The following SLC39A9 variants were observed in gnomAD, a reference collection of about 807,000 sequenced individuals.
The protein encoded by SLC39A9 is zinc transporter ZIP9.
In SLC39A9, 14 loss-of-function variants were observed where a neutral mutation model predicts 28.4. The ratio of observed to expected loss-of-function variants is 0.49; its 90% CI spans 0.33 to 0.77. SLC39A9 has a LOEUF of 0.77. Ranked by LOEUF, SLC39A9 falls within the 30% of genes least tolerant of loss-of-function variation. SLC39A9 has a pLI of 0.02. For synonymous variants in SLC39A9, 119 were observed against 149.6 expected (o/e 0.80, Z 1.49); for missense variants, 283 against 381.1 (o/e 0.74, Z 2.14).
chr14:69,406,701 A>T (rs1882931589), intron 1 of SLC39A9, among the ~76,000 whole-genome samples: 1 of 151,704 alleles, frequency 6.6e-6, no homozygotes. Context: ...AAAAAAAAAA[A>T]AGTAGTAGTA....
chr14:69,453,202 T>G, intron 3 of SLC39A9, 39 bp from the exon 4 acceptor site: 1 of 1,564,582 alleles, frequency 6.4e-7, no homozygotes, highest in Non-Finnish European at 8.8e-7. Flanking sequence ...AGTTTCTGTC[T>G]CACATAGCTT....
rs532922887 is a variant in SLC39A9, at chr14:69,401,128, T to C, written c.96+1663T>C. On this transcript the variant is annotated intron_variant, in intron 1 of 6. Transcript: ENST00000336643. ...CAGACTAGTTCGTAGCCACTAAGCATTTCGGCAAAGGTACATGGTACATAT... is the reference window on the plus strand; with the variant it reads ...CAGACTAGTTCGTAGCCACTAAGCACTTCGGCAAAGGTACATGGTACATAT... Among the ~76,000 whole-genome samples the C allele has an allele frequency of 5.8e-4, 88 of 152,320 alleles. 1 individual carries two copies. Among genetic ancestry groups the C allele is most frequent in the African/African-American group, 2.0e-3 (85 of 41,580 alleles).
At chr14:69,443,774 C>T (rs913983317) in intron 3 of SLC39A9, among the ~76,000 whole-genome samples, 6 of 151,988 alleles carry the variant, frequency 3.9e-5, no homozygotes, top group African/African-American at 1.2e-4. Flanking sequence ...GGGACTGAGG[C>T]GGGAGGAACG....
chr14:69,454,978 G>C (rs749214531), intron 5 of SLC39A9, 81 bp downstream of exon 5: 1 of 1,023,022 alleles, frequency 9.8e-7, no homozygotes, highest in Non-Finnish European at 1.5e-6. Context: ...GTTTTTCCTG[G>C]AATGGGAACA....
intron 3 of SLC39A9, among the ~76,000 whole-genome samples, chr14:69,445,507 C>A (rs563086530): frequency 6.6e-6 from 1 of 152,222 alleles, no homozygotes; most frequent in East Asian, 1.9e-4. Flanking sequence ...ACTTTGTTAT[C>A]ATTAAGACTT....
rs528383263 is a variant in SLC39A9, at chr14:69,459,372, T to G, written c.*779T>G. On this transcript the variant is annotated 3_prime_UTR_variant, in exon 7 of 7. Coordinates refer to ENST00000336643, the MANE Select transcript of SLC39A9 (RefSeq NM_018375.5). The stretch of plus-strand genomic sequence containing the variant: ...CTTTGCAGAATACCTGTCTCCACAT[T>G]CCTAGAGAGGAGCCAAGTTCTAGTA... 1 of 985,268 alleles carries G rather than the reference T, an allele frequency of 1.0e-6. No individual in the cohort carries two copies. The highest frequency in any genetic ancestry group is 1.7e-5 in the African/African-American group (1 of 57,198). 61.0% of individuals were successfully genotyped at this position (985,268 alleles called of 1,614,324 possible).
chr14:69,424,643 C>T (rs1180788704), intron 2 of SLC39A9, among the ~76,000 whole-genome samples: 3 of 152,004 alleles, frequency 2.0e-5, no homozygotes, highest in Non-Finnish European at 4.4e-5. Context: ...AGAGGCCTTT[C>T]CTGACCCTAA....
intron 1 of SLC39A9, among the ~76,000 whole-genome samples, chr14:69,406,962 T>C (rs1882951132): frequency 6.9e-6 from 1 of 145,076 alleles, no homozygotes; most frequent in Non-Finnish European, 1.5e-5. Flanking sequence ...GCAATTCTCC[T>C]GCCTCAGCCC....
intron 6 of SLC39A9, among the ~76,000 whole-genome samples, chr14:69,458,128 AAATTG>A (rs1437252544): frequency 3.3e-5 from 5 of 152,220 alleles, no homozygotes; most frequent in Admixed American, 6.5e-5. Flanking sequence ...ATATAATTAT[AAATTG>A]TTGATTTACA....
intron 4 of SLC39A9, 117 bp downstream of exon 4, chr14:69,453,426 G>A: frequency 1.1e-6 from 1 of 878,060 alleles, no homozygotes; most frequent in Non-Finnish European, 1.8e-6. Context: ...TGAGGAAAAG[G>A]TTTCTTAATG....
intron 1 of SLC39A9, among the ~76,000 whole-genome samples, chr14:69,422,477 T>C (rs1009167581): frequency 2.0e-5 from 3 of 152,182 alleles, no homozygotes; most frequent in Admixed American, 6.5e-5. Flanking sequence ...CAGATGTGAT[T>C]ATAGCACACT....
intron 3 of SLC39A9, among the ~76,000 whole-genome samples, chr14:69,445,164 AC>A (rs1285353923): frequency 6.6e-6 from 1 of 152,162 alleles, no homozygotes; most frequent in African/African-American, 2.4e-5. Context: ...ATGAGTTTGA[AC>A]TGTGTGAGTC....
intron 1 of SLC39A9, among the ~76,000 whole-genome samples, chr14:69,416,411 G>A (rs962356129): frequency 2.0e-5 from 3 of 152,218 alleles, no homozygotes; most frequent in Non-Finnish European, 4.4e-5. Flanking sequence ...TTGCTGTTGT[G>A]AATAGTGCTG....
Position 69,454,818 on chromosome 14 carries a change from G to A in SLC39A9, c.479G>A (p.Gly160Asp). Residue 160 changes from glycine (G) to aspartate (D), a missense_variant, in exon 5 of 7, where the codon GGT (glycine) becomes GAT (aspartate). Coordinates refer to ENST00000336643, the MANE Select transcript of SLC39A9 (RefSeq NM_018375.5). ...TCCTTGTTTCCAAATATAGCTGATG[G>A]TGTTGCTTTGGGAGCAGCAGCATCT... ...LGLVVHAAAD[G>D]VALGAAASTS... is the part of the protein sequence containing the mutation. 1 of 1,613,336 alleles carries A rather than the reference G, an allele frequency of 6.2e-7. No individual in the cohort carries two copies. Among genetic ancestry groups the A allele is most frequent in the Non-Finnish European group, 8.5e-7 (1 of 1,179,418 alleles).
intron 4 of SLC39A9, among the ~76,000 whole-genome samples, chr14:69,453,838 A>T (rs985245431): frequency 6.6e-6 from 1 of 152,242 alleles, no homozygotes. Flanking sequence ...GTTTTTGTGC[A>T]ACAGTGGCAG....
At position 69,459,680 on chromosome 14, in the gene SLC39A9, A is replaced by G. The variant is rs1594958045; in HGVS notation, c.*1087A>G. 3 of 985,190 alleles carry G rather than the reference A, an allele frequency of 3.0e-6. No individual in the cohort carries two copies. The highest frequency in any genetic ancestry group is 3.6e-6 in the Non-Finnish European group (3 of 829,826). The allele number at this position is 985,190 out of a possible 1,614,324, so 61.0% of individuals were successfully genotyped here. A position where few individuals can be genotyped will look rare whatever the true frequency, so the allele number is the denominator to read the frequency against. ...CCACCTGTAGCAAGATGGATCATAAATGAGAAGTGTTTGCCTATTGATTTA... is the reference window on the plus strand; with the variant it reads ...CCACCTGTAGCAAGATGGATCATAAGTGAGAAGTGTTTGCCTATTGATTTA... On this transcript the variant is annotated 3_prime_UTR_variant, in exon 7 of 7. Coordinates refer to ENST00000336643, the MANE Select transcript of SLC39A9 (RefSeq NM_018375.5).
chr14:69,453,529 A>T (rs1206501293), intron 4 of SLC39A9, among the ~76,000 whole-genome samples: 2 of 152,150 alleles, frequency 1.3e-5, no homozygotes, highest in Non-Finnish European at 2.9e-5. Context: ...GTTTAAAAAA[A>T]AAAAGAGAGA....
At chr14:69,398,481 A>G (rs1882433283), upstream of SLC39A9, 1 of 593,944 alleles carries the variant, frequency 1.7e-6, no homozygotes, top group Admixed American at 3.0e-5. Context: ...TTTAGGAAGA[A>G]TTATTTTTTT....
chr14:69,406,905 C>A (rs535694675), intron 1 of SLC39A9, among the ~76,000 whole-genome samples: 92 of 121,464 alleles, frequency 7.6e-4, no homozygotes, highest in African/African-American at 3.1e-3. Flanking sequence ...GGCTGGAGTG[C>A]AGTGGCGTGA....
Sources: allele counts gnomAD v4.1 joint callset (sites outside exome capture counted in the v4.1 genomes callset), GRCh38; gene constraint gnomAD v4.1.1; transcripts MANE v1.5; gene names NCBI Gene and HGNC (gene_info 2026-07-23, HGNC 2026-07-21).